RLBP1: variants seen among roughly 807,000 people sequenced by gnomAD.
The protein encoded by RLBP1 is retinaldehyde-binding protein 1.
In RLBP1, 26 loss-of-function variants were observed where a neutral mutation model predicts 36.2. The ratio of observed to expected loss-of-function variants is 0.72; its 90% confidence interval spans 0.53 to 1.00. The LOEUF is 1.00. Ranked by LOEUF, RLBP1 falls within the 50% of genes least tolerant of loss-of-function variation. The probability of loss-of-function intolerance (pLI) is 0.00; values close to 1 mark genes in which losing one functional copy is unlikely to be tolerated. For synonymous variants in RLBP1, 155 were observed against 156.2 expected (o/e 0.99, Z 0.06); for missense variants, 410 against 402.4 (o/e 1.02, Z -0.16).
At position 89,218,693 on chromosome 15, in the gene RLBP1, C is replaced by T. The variant is rs1463943553; in HGVS notation, c.13G>A (p.Val5Met). The T allele has an allele frequency of 2.5e-6, 4 of 1,613,986 alleles. No homozygotes were observed. Among genetic ancestry groups the T allele is most frequent in the East Asian group, 4.5e-5 (2 of 44,896 alleles). Residue 5 changes from valine (V) to methionine (M), a missense_variant and splice_region_variant, in exon 4 of 9, where the codon GTG becomes ATG. Val to Met is a conservative substitution (Grantham distance 21, BLOSUM62 1). Transcript: ENST00000268125. The surrounding 1 kb of genome is among the most constrained non-coding windows in gnomAD (Gnocchi z 4.6). MSEG[V>M]GTFRMVPEEE... is the part of the protein sequence containing the mutation. The stretch of plus-strand genomic sequence containing the variant: ...TCAGGTACCATGCGGAACGTGCCCA[C>T]CTGGGCAGAGAAAGGAAAAAGAGGA...
chr15:89,212,244 A>G (rs1230351856), intron 6 of RLBP1, among the ~76,000 whole-genome samples: 2 of 152,212 alleles, frequency 1.3e-5, no homozygotes, highest in Non-Finnish European at 2.9e-5. Context: ...ATACAGGAAA[A>G]TGTGCATGAT....
In RLBP1 at chr15:89,211,756, A is replaced by C; in HGVS notation, c.671T>G (p.Val224Gly). ...TCTAAGCCTCACCTGGAGCATGTCCACCATCTTCCTGAGATCTGAAGTCCG... is the reference window on the plus strand; with the variant it reads ...TCTAAGCCTCACCTGGAGCATGTCCCCCATCTTCCTGAGATCTGAAGTCCG... ...SLRTSDLRKM[V>G]DMLQDSFPAR... Residue 224 changes from valine (V) to glycine (G), a missense_variant, in exon 7 of 9, where the codon GTG becomes GGG. Physicochemically the swap from Val to Gly is moderately radical, Grantham distance 109. Coordinates refer to ENST00000268125, the MANE Select transcript of RLBP1 (RefSeq NM_000326.5). The surrounding 1 kb of genome is among the most constrained non-coding windows in gnomAD (Gnocchi z 5.8). 6.2e-7 allele frequency: 1 copy of C among 1,613,982 alleles called. No homozygotes were observed. The highest frequency in any genetic ancestry group is 8.5e-7 in the Non-Finnish European group (1 of 1,180,010).
chr15:89,217,403 C>A, intron 4 of RLBP1, 79 bp from the exon 5 acceptor site: 5 of 1,451,838 alleles, frequency 3.4e-6, no homozygotes, highest in Non-Finnish European at 9.6e-7. Flanking sequence ...GAGTCTCCTG[C>A]CAGAGCTAGA....
At chr15:89,213,237 A>G (rs2051553022) in intron 6 of RLBP1, among the ~76,000 whole-genome samples, 1 of 152,002 alleles carries the variant, frequency 6.6e-6, no homozygotes, top group Non-Finnish European at 1.5e-5. Context: ...CCACCATTTA[A>G]TTCTATATTG....
Position 89,218,922 on chromosome 15 carries a change from G to A in RLBP1, c.12+42C>T, listed in dbSNP as rs2051604999. ...GGGAGAGGGAAGAGAGAGAAGAGAG[G>A]GAAGGTGGGTGGAGGAGAGCCCTGG... On this transcript the variant is annotated intron_variant, in intron 3 of 8. Coordinates refer to ENST00000268125, the MANE Select transcript of RLBP1 (RefSeq NM_000326.5). The surrounding 1 kb of genome is among the most constrained non-coding windows in gnomAD (Gnocchi z 4.6). 1.2e-6 allele frequency: 2 copies of A among 1,607,850 alleles called. No homozygotes were observed. Among genetic ancestry groups the A allele is most frequent in the Non-Finnish European group, 1.7e-6 (2 of 1,174,906 alleles).
rs751242555 is a variant in RLBP1, at chr15:89,210,765, C to T, written c.729G>A (p.Gln243=). The part of the protein sequence containing the change: ...ARFKAIHFIH[Q]PWYFTTTYNV... ...TGTAGGTCGTGGTGAAGTACCATGGCTGGTGGATGAAGTGGATGGCTTTGA... is the reference window on the plus strand; with the variant it reads ...TGTAGGTCGTGGTGAAGTACCATGGTTGGTGGATGAAGTGGATGGCTTTGA... Residue 243 remains glutamine (Q), a synonymous_variant, in exon 8 of 9, where the codon CAG becomes CAA. Coordinates refer to ENST00000268125, the MANE Select transcript of RLBP1 (RefSeq NM_000326.5). This position sits in a 1 kb window ranked among gnomAD's most constrained non-coding sequence, Gnocchi z 4.7. 3 of 1,601,358 alleles carry T rather than the reference C, an allele frequency of 1.9e-6. No individual in the cohort carries two copies. The highest frequency in any genetic ancestry group is 2.6e-6 in the Non-Finnish European group (3 of 1,172,918).
At chr15:89,217,425 G>A in intron 4 of RLBP1, 101 bp from the exon 5 acceptor site, 5 of 1,222,646 alleles carry the variant, frequency 4.1e-6, no homozygotes, top group South Asian at 1.2e-5. Flanking sequence ...CAGCCAAGGG[G>A]GCCCAGGGGT....
At chr15:89,217,001 C>G in intron 5 of RLBP1, 119 bp downstream of exon 5, 2 of 1,031,320 alleles carry the variant, frequency 1.9e-6, no homozygotes, top group Non-Finnish European at 2.9e-6. Context: ...TGTGGAGGCT[C>G]AGAGAAACTG....
chr15:89,215,185 C>T lies in RLBP1; in HGVS notation c.400G>A (p.Glu134Lys), dbSNP rs371450900. 9 of 1,614,040 alleles carry T rather than the reference C, an allele frequency of 5.6e-6. No homozygotes were observed. In the African/African-American group the frequency reaches 1.1e-4, roughly 19 times the overall value. ...YPELFDSLSP[E>K]AVRCTIEAGY... ...GCTTCAATGGTGCAGCGGACAGCCT[C>T]TGGGGACAGGCTGTCAAAGAGCTCA... The change falls in exon 6 of 9, where the codon GAG (glutamate) becomes AAG (lysine). Residue 134 changes from glutamate to lysine, a missense_variant. Transcript: ENST00000268125.
At position 89,217,245 on chromosome 15, in the gene RLBP1, G is replaced by C; in HGVS notation, c.221C>G (p.Ala74Gly). The change falls in exon 5 of 9, where the codon GCG becomes GGG. Residue 74 changes from alanine (A) to glycine (G), a missense_variant. Physicochemically the swap from Ala to Gly is moderately conservative, Grantham distance 60. Transcript: ENST00000268125. ...CACCGCCAGCTCCTCCCCCGAGGCC[G>C]CCTGCGCCTGCACCATCTCCTGCAG... ...RELQEMVQAQ[A>G]ASGEELAVAV... The C allele has an allele frequency of 6.2e-7, 1 of 1,611,666 alleles. No individual in the cohort carries two copies. The highest frequency in any genetic ancestry group is 8.5e-7 in the Non-Finnish European group (1 of 1,179,992).
chr15:89,214,971 G>A lies in RLBP1; in HGVS notation c.525+89C>T, dbSNP rs934556807. 2 of 1,396,808 alleles carry A rather than the reference G, an allele frequency of 1.4e-6. No individual in the cohort carries two copies. The highest frequency in any genetic ancestry group is 1.0e-6 in the Non-Finnish European group (1 of 984,828). 86.5% of individuals were successfully genotyped at this position (1,396,808 alleles called of 1,614,324 possible). Reference sequence around the variant, plus strand: ...TCCCCCTCTACAGACCTTGCCTCCTGGAGAACCAGGAATGAGGGCCCAGTA... The same window carrying A: ...TCCCCCTCTACAGACCTTGCCTCCTAGAGAACCAGGAATGAGGGCCCAGTA... On this transcript the variant is annotated intron_variant, in intron 6 of 8. Transcript: ENST00000268125. This position sits in a 1 kb window ranked among gnomAD's most constrained non-coding sequence, Gnocchi z 4.6.
intron 6 of RLBP1, among the ~76,000 whole-genome samples, chr15:89,212,608 A>ATG (rs200928834): frequency 0.053 from 6,969 of 131,168 alleles, 552 homozygotes; most frequent in African/African-American, 0.18. Flanking sequence ...AAAAAGAAAA[A>ATG]TGTGTGTGTG....
At chr15:89,213,581 GA>G (rs1303998212) in intron 6 of RLBP1, among the ~76,000 whole-genome samples, 10 of 152,144 alleles carry the variant, frequency 6.6e-5, no homozygotes, top group Non-Finnish European at 1.3e-4. Flanking sequence ...ACGTTGTGAG[GA>G]AAAAATTTTT....
chr15:89,218,584 G>C lies in RLBP1; in HGVS notation c.122C>G (p.Pro41Arg). The change falls in exon 4 of 9, where the codon CCC (proline) becomes CGC (arginine). Residue 41 changes from proline to arginine, a missense_variant. By Grantham distance (103) the Pro-to-Arg change is moderately radical (BLOSUM62 -2). Transcript: ENST00000268125. The surrounding 1 kb of genome is among the most constrained non-coding windows in gnomAD (Gnocchi z 4.6). ...GPVFGPCSQL[P>R]RHTLQKAKDE... ...CCTCACCTTCTGCAAGGTGTGGCGG[G>C]GCAGCTGGCTGCACGGGCCAAAGAC... 1 of 1,614,108 alleles carries C rather than the reference G, an allele frequency of 6.2e-7. No individual in the cohort carries two copies.
At position 89,211,662 on chromosome 15, in the gene RLBP1, GC is replaced by G; in HGVS notation, c.684+80del. 1 of 1,481,722 alleles carries G rather than the reference GC, an allele frequency of 6.7e-7. No homozygotes were observed. The highest frequency in any genetic ancestry group is 9.3e-7 in the Non-Finnish European group (1 of 1,070,426). 91.8% of individuals were successfully genotyped at this position (1,481,722 alleles called of 1,614,324 possible). A position where few individuals can be genotyped will look rare whatever the true frequency, so the allele number is the denominator to read the frequency against. On this transcript the variant is annotated intron_variant, in intron 7 of 8. Transcript: ENST00000268125. The surrounding 1 kb of genome is among the most constrained non-coding windows in gnomAD (Gnocchi z 5.8). ...AGGTGGTCCAACTTCTCAGTTCCCT[GC>G]AAGCACCATGAAAGGAGGCCCAGCC...
intron 2 of RLBP1, chr15:89,219,462 G>A (rs898862801): frequency 2.7e-5 from 5 of 187,286 alleles, no homozygotes; most frequent in East Asian, 1.2e-4. Flanking sequence ...TCTCCAGCCC[G>A]AAGGAGTCCC....
chr15:89,213,483 C>T (rs2051554691), intron 6 of RLBP1, among the ~76,000 whole-genome samples: 1 of 151,996 alleles, frequency 6.6e-6, no homozygotes. Flanking sequence ...CAATAACCAA[C>T]TAGAAGATAT....
chr15:89,214,600 C>T lies in RLBP1; in HGVS notation c.525+460G>A, dbSNP rs140780125. 0.013 allele frequency among the ~76,000 whole-genome samples: 1,984 copies of T among 150,568 alleles called. 46 individuals carry two copies. The highest frequency in any genetic ancestry group is 0.046 in the African/African-American group (1,887 of 40,704). ...CCCCAACTTGGGGCAGCCCCCTTAA[C>T]GGCTCAGACAAGCAAAATTGCGTAC... is the stretch of plus-strand genomic sequence containing the variant. On this transcript the variant is annotated intron_variant, in intron 6 of 8. Coordinates refer to ENST00000268125, the MANE Select transcript of RLBP1 (RefSeq NM_000326.5). This position sits in a 1 kb window ranked among gnomAD's most constrained non-coding sequence, Gnocchi z 4.6.
rs1276517615 is a variant in RLBP1, at chr15:89,210,735, C to T, written c.759G>A (p.Val253=). The change falls in exon 8 of 9, where the codon GTG becomes GTA. Residue 253 remains valine, a synonymous_variant. Coordinates refer to ENST00000268125, the MANE Select transcript of RLBP1 (RefSeq NM_000326.5). The surrounding 1 kb of genome is among the most constrained non-coding windows in gnomAD (Gnocchi z 4.7). ...GCTTGCTCTTCAAGAAGGGCTTGAC[C>T]ACATTGTAGGTCGTGGTGAAGTACC... ...QPWYFTTTYN[V]VKPFLKSKLL... is the part of the protein sequence containing the mutation. 51 of 1,602,386 alleles carry T rather than the reference C, an allele frequency of 3.2e-5. No individual in the cohort carries two copies. Among genetic ancestry groups the T allele is most frequent in the Non-Finnish European group, 4.3e-5 (50 of 1,173,474 alleles).
Sources: allele counts gnomAD v4.1 joint callset (sites outside exome capture counted in the v4.1 genomes callset), GRCh38; gene constraint gnomAD v4.1.1; non-coding constraint Gnocchi (gnomAD v3.1); transcripts MANE v1.5; gene names NCBI Gene and HGNC (gene_info 2026-07-23, HGNC 2026-07-21).